Variants in RPL21 observed in about 807,000 individuals in gnomAD.
The protein encoded by RPL21 is ribosomal protein L21, also known as large ribosomal subunit protein eL21.
RPL21 carries 1 observed loss-of-function variant against 21.2 expected under a neutral mutation model. That is an observed-to-expected ratio of 0.05 (90% confidence interval 0.02 to 0.22). The LOEUF (loss-of-function observed/expected upper bound fraction) is 0.22, where lower values mean the gene tolerates loss of function less well. Among genes scored for constraint, RPL21 ranks in the 10% least tolerant of loss-of-function variants. The pLI is 1.00. For missense variants in RPL21, 113 were observed against 199.4 expected (o/e 0.57, Z 2.61); for synonymous variants, 52 against 62.9 (o/e 0.83, Z 0.82).
At chr13:27,253,229 C>T (rs1593260607) in intron 1 of RPL21, among the ~76,000 whole-genome samples, 1 of 152,292 alleles carries the variant, frequency 6.6e-6, no homozygotes, top group East Asian at 1.9e-4. Flanking sequence ...CCTGGGTTCC[C>T]CTCTCTTCTA....
At chr13:27,255,032 G>A in intron 3 of RPL21, 1 of 739,324 alleles carries the variant, frequency 1.4e-6, no homozygotes, top group Non-Finnish European at 2.5e-6. Context: ...GTGTTCTTCT[G>A]TGACCTGGAT....
At chr13:27,252,195 G>GT (rs983531220) in intron 1 of RPL21, among the ~76,000 whole-genome samples, 1 of 152,130 alleles carries the variant, frequency 6.6e-6, no homozygotes, top group African/African-American at 2.4e-5. Context: ...ATTTCCGACT[G>GT]TTTTTAAAAT....
In RPL21 at chr13:27,252,729, C is replaced by T. The variant is rs543998899; in HGVS notation, c.-12-1036C>T. On this transcript the variant is annotated intron_variant, in intron 1 of 5. Coordinates refer to ENST00000311549, the MANE Select transcript of RPL21 (RefSeq NM_000982.4). Reference sequence around the variant, plus strand: ...CATTTAAAGGGTTCATCCATTGTAACAATGGTTTGACTTTGGTGAGTTAGG... The same window carrying T: ...CATTTAAAGGGTTCATCCATTGTAATAATGGTTTGACTTTGGTGAGTTAGG... Among the ~76,000 whole-genome samples the T allele has an allele frequency of 5.3e-5, 8 of 152,308 alleles. 1 individual carries two copies. In the East Asian group the frequency reaches 1.5e-3, roughly 29 times the overall value.
At chr13:27,252,863 A>G (rs1478816621) in intron 1 of RPL21, among the ~76,000 whole-genome samples, 5 of 152,248 alleles carry the variant, frequency 3.3e-5, no homozygotes, top group African/African-American at 1.2e-4. Flanking sequence ...AATATTGTCA[A>G]CACGTCAAGC....
In RPL21 at chr13:27,254,414, A is replaced by C. The variant is rs1211011019; in HGVS notation, c.129+133A>C. 2.3e-5 allele frequency: 5 copies of C among 219,824 alleles called. No homozygotes were observed. The African/African-American group carries it at 4.7e-4, about 21-fold the overall frequency. The allele number at this position is 219,824 out of a possible 1,614,324, so 13.6% of individuals were successfully genotyped here. On this transcript the variant is annotated intron_variant, in intron 3 of 5. Transcript: ENST00000311549. ...TGGATTTTTTTTTTTTTTTTTTTGG[A>C]GACGGAGTTTCACTCTTGTTGCTCA... is the stretch of plus-strand genomic sequence containing the variant.
chr13:27,255,877 G>C (rs1881879165), intron 4 of RPL21: 1 of 335,018 alleles, frequency 3.0e-6, no homozygotes, highest in South Asian at 2.7e-5. Context: ...TGGCCCAGCA[G>C]TTTTTATAGA....
At chr13:27,254,712 G>A (rs966334110) in intron 3 of RPL21, among the ~76,000 whole-genome samples, 15 of 152,248 alleles carry the variant, frequency 9.9e-5, no homozygotes, top group Admixed American at 5.9e-4. Flanking sequence ...TAGTAGAGAA[G>A]GGGTTTCTCC....
At chr13:27,255,878 T>C (rs1348877381) in intron 4 of RPL21, 2 of 335,084 alleles carry the variant, frequency 6.0e-6, no homozygotes, top group Non-Finnish European at 5.6e-6. Context: ...GGCCCAGCAG[T>C]TTTTATAGAA....
chr13:27,254,521 A>T (rs943703916), intron 3 of RPL21: 2 of 498,166 alleles, frequency 4.0e-6, no homozygotes, highest in East Asian at 3.6e-5. Context: ...CAGCCTCCCA[A>T]ATAGCTGGGA....
intron 4 of RPL21, 116 bp from the exon 5 acceptor site, chr13:27,256,068 G>T: frequency 1.3e-6 from 1 of 794,746 alleles, no homozygotes; most frequent in East Asian, 2.7e-5. Context: ...TTGTTGATTT[G>T]TCATATCTGG....
chr13:27,255,967 C>T lies in RPL21; in HGVS notation c.243-217C>T, dbSNP rs1454937472. On this transcript the variant is annotated intron_variant, in intron 4 of 5. Transcript: ENST00000311549. Reference sequence around the variant, plus strand: ...TTACTAGAGTTTAAGAGACCATCATCTCATCAAAGAGAGTTAAAAGTAGGG... The same window carrying T: ...TTACTAGAGTTTAAGAGACCATCATTTCATCAAAGAGAGTTAAAAGTAGGG... 5.6e-6 allele frequency: 3 copies of T among 535,326 alleles called. No individual in the cohort carries two copies. The African/African-American group carries it at 5.7e-5, about 10-fold the overall frequency. 33.2% of individuals were successfully genotyped at this position (535,326 alleles called of 1,614,324 possible).
In RPL21 at chr13:27,255,361, A is replaced by G. The variant is rs1334447305; in HGVS notation, c.242+7A>G. 1 of 1,097,728 alleles carries G rather than the reference A, an allele frequency of 9.1e-7. No homozygotes were observed. The highest frequency in any genetic ancestry group is 2.3e-5 in the East Asian group (1 of 42,590). The allele number at this position is 1,097,728 out of a possible 1,614,324, so 68.0% of individuals were successfully genotyped here. On this transcript the variant is annotated splice_region_variant and intron_variant, in intron 4 of 5. Coordinates refer to ENST00000311549, the MANE Select transcript of RPL21 (RefSeq NM_000982.4). ...TTGTAAACAAACAAGTTAAGTAAGT[A>G]GTGTTGTAGTTCTTTGTGGCTAACC... is the stretch of plus-strand genomic sequence containing the variant.
chr13:27,251,848 G>A (rs1280496420), intron 1 of RPL21: 1 of 152,420 alleles, frequency 6.6e-6, no homozygotes, highest in Non-Finnish European at 1.5e-5. Flanking sequence ...TGAGTCGCTT[G>A]GGGTGAGGCG....
At chr13:27,252,097 G>A (rs1881677789) in intron 1 of RPL21, among the ~76,000 whole-genome samples, 1 of 152,172 alleles carries the variant, frequency 6.6e-6, no homozygotes, top group South Asian at 2.1e-4. Flanking sequence ...GCCTACAGGT[G>A]TGAAAACCCG....
At chr13:27,254,540 G>T in intron 3 of RPL21, 1 of 468,470 alleles carries the variant, frequency 2.1e-6, no homozygotes, top group Non-Finnish European at 3.8e-6. Flanking sequence ...GATTACAGGC[G>T]TGCACCATGA....
intron 1 of RPL21, among the ~76,000 whole-genome samples, chr13:27,253,338 T>C (rs1209604068): frequency 6.6e-6 from 1 of 152,214 alleles, no homozygotes; most frequent in Non-Finnish European, 1.5e-5. Context: ...CACGGAAAAT[T>C]TGGTTGACAA....
intron 2 of RPL21, 62 bp downstream of exon 2, chr13:27,253,905 C>T: frequency 1.0e-6 from 1 of 954,082 alleles, no homozygotes; most frequent in South Asian, 1.3e-5. Flanking sequence ...TTGTGTTCAA[C>T]ATGTGTTGTA....
intron 4 of RPL21, chr13:27,255,757 A>G (rs916392235): frequency 2.5e-5 from 9 of 356,494 alleles, no homozygotes; most frequent in African/African-American, 1.9e-4. Flanking sequence ...TATTCTTAGT[A>G]GAGACAGGGT....
intron 1 of RPL21, among the ~76,000 whole-genome samples, chr13:27,252,495 GC>G (rs1270117448): frequency 6.6e-6 from 1 of 152,154 alleles, no homozygotes; most frequent in Non-Finnish European, 1.5e-5. Flanking sequence ...TGGGGTCCAT[GC>G]TTAAAATGGA....
Sources: gnomAD v4.1 joint callset for allele counts (sites outside exome capture counted in the v4.1 genomes callset) on GRCh38, gnomAD v4.1.1 for gene constraint, MANE v1.5 for transcripts, NCBI Gene and HGNC (gene_info 2026-07-23, HGNC 2026-07-21) for gene names.